RORA: variants seen among roughly 807,000 people sequenced by gnomAD.
RORA encodes the protein nuclear receptor ROR-alpha.
RORA carries 7 observed loss-of-function variants against 69.5 expected under a neutral mutation model. The observed-to-expected ratio is 0.10, with a 90% CI of 0.06 to 0.19. The LOEUF is 0.19. RORA is among the 10% of genes least tolerant of loss of function. The pLI is 1.00. For missense variants in RORA, 457 were observed against 663.0 expected, an observed-to-expected ratio of 0.69 and a Z score of 3.41; for synonymous variants, 261 against 240.8, an observed-to-expected ratio of 1.08 and a Z score of -0.78.
chr15:60,672,527 G>T (rs1325577644), intron 2 of RORA, among the ~76,000 whole-genome samples: 1 of 152,192 alleles, frequency 6.6e-6, no homozygotes, highest in Non-Finnish European at 1.5e-5. Context: ...CTAGCACTCA[G>T]TGCCCCACAA....
intron 1 of RORA, among the ~76,000 whole-genome samples, chr15:60,734,837 G>T (rs892072521): frequency 2.6e-5 from 4 of 152,170 alleles, no homozygotes; most frequent in Admixed American, 6.5e-5. Context: ...GATACTTTTG[G>T]CAATGGCTAA....
intron 1 of RORA, among the ~76,000 whole-genome samples, chr15:61,189,241 G>A (rs907666490): frequency 1.3e-5 from 2 of 152,146 alleles, no homozygotes; most frequent in Admixed American, 1.3e-4. Context: ...CATTATAAAA[G>A]ATTTAAAAAT....
rs8029330 is a variant in RORA, at chr15:61,061,222, G to A, written c.166+167831C>T. Among the ~76,000 whole-genome samples the A allele has an allele frequency of 0.35, 52,738 of 151,766 alleles. 9,365 individuals are homozygous for A. The highest frequency in any genetic ancestry group is 0.38 in the Non-Finnish European group (25,846 of 67,904). ...CAAAACATTAGCCGGGCATGGTGGCGGGCGCCTGTGGTCCCAGCTACTCGG... is the reference window on the plus strand; with the variant it reads ...CAAAACATTAGCCGGGCATGGTGGCAGGCGCCTGTGGTCCCAGCTACTCGG... On this transcript the variant is annotated intron_variant, in intron 1 of 10. Transcript: ENST00000335670. The surrounding 1 kb of genome is among the most constrained non-coding windows in gnomAD (Gnocchi z 4.4).
At chr15:60,870,010 T>C (rs1049531546) in intron 1 of RORA, among the ~76,000 whole-genome samples, 1 of 152,236 alleles carries the variant, frequency 6.6e-6, no homozygotes, top group South Asian at 2.1e-4. Flanking sequence ...CTCACTGTGG[T>C]TGACTGGGCC....
chr15:60,817,424 C>T (rs1210319113), intron 1 of RORA, among the ~76,000 whole-genome samples: 6 of 152,234 alleles, frequency 3.9e-5, no homozygotes, highest in Non-Finnish European at 7.3e-5. Context: ...AGGCTTGCAA[C>T]AAACCTTCAA....
chr15:60,889,130 T>C (rs1054027759), intron 1 of RORA, among the ~76,000 whole-genome samples: 1 of 152,194 alleles, frequency 6.6e-6, no homozygotes, highest in African/African-American at 2.4e-5. Flanking sequence ...CGCACACTTA[T>C]GCTGTGTTTA....
At chr15:60,539,264 C>T (rs2141489140) in intron 2 of RORA, among the ~76,000 whole-genome samples, 1 of 152,272 alleles carries the variant, frequency 6.6e-6, no homozygotes, top group Non-Finnish European at 1.5e-5. Context: ...TGTGAATATG[C>T]AGGTGGTTCT....
Position 61,128,134 on chromosome 15 carries a change from C to T in RORA, c.166+100919G>A, listed in dbSNP as rs1011535256. On this transcript the variant is annotated intron_variant, in intron 1 of 10. Coordinates refer to ENST00000335670, the MANE Select transcript of RORA (RefSeq NM_134261.3). The surrounding 1 kb of genome is among the most constrained non-coding windows in gnomAD (Gnocchi z 4.5). ...TAATTTCAAGAGTCAGCTTATTTATCATTTCTACTTAAGTTGGAATGATTT... is the reference window on the plus strand; with the variant it reads ...TAATTTCAAGAGTCAGCTTATTTATTATTTCTACTTAAGTTGGAATGATTT... 1.5e-3 allele frequency among the ~76,000 whole-genome samples: 228 copies of T among 152,154 alleles called. No individual in the cohort carries two copies. Among genetic ancestry groups the T allele is most frequent in the African/African-American group, 5.2e-3 (214 of 41,488 alleles).
At chr15:61,025,746 A>T (rs1895777097) in intron 1 of RORA, among the ~76,000 whole-genome samples, 1 of 152,184 alleles carries the variant, frequency 6.6e-6, no homozygotes, top group Admixed American at 6.5e-5. Flanking sequence ...AAATTAAATG[A>T]GTGGATGAAG....
rs2065129195 is a variant in RORA at position 60,494,890 on chromosome 15, A to T, written c.*2565T>A. 6.6e-6 allele frequency: 1 copy of T among 152,226 alleles called. No homozygotes were observed. Among genetic ancestry groups the T allele is most frequent in the African/African-American group, 2.4e-5 (1 of 41,462 alleles). The allele number at this position is 152,226 out of a possible 1,614,324, so 9.4% of individuals were successfully genotyped here. A position where few individuals can be genotyped will look rare whatever the true frequency, so the allele number is the denominator to read the frequency against. On this transcript the variant is annotated 3_prime_UTR_variant, in exon 11 of 11. Coordinates refer to ENST00000335670, the MANE Select transcript of RORA (RefSeq NM_134261.3). ...GGAAAAGGAATTTCTTTTTAAGTTC[A>T]TCATTATGTTCTCTCTCACCCTTAG... is the stretch of plus-strand genomic sequence containing the variant.
intron 1 of RORA, among the ~76,000 whole-genome samples, chr15:61,005,514 T>C (rs1302568268): frequency 2.0e-5 from 3 of 152,016 alleles, no homozygotes; most frequent in Admixed American, 1.3e-4. Context: ...TTACAACAAA[T>C]ACATAACTAA....
At chr15:61,228,128 G>C (rs1324754032) in intron 1 of RORA, among the ~76,000 whole-genome samples, 1 of 151,710 alleles carries the variant, frequency 6.6e-6, no homozygotes. Flanking sequence ...CATACAACTT[G>C]CACTGACCAT....
chr15:61,033,373 A>G (rs981277891), intron 1 of RORA, among the ~76,000 whole-genome samples: 1 of 151,510 alleles, frequency 6.6e-6, no homozygotes, highest in Non-Finnish European at 1.5e-5. Flanking sequence ...ACTTGCAAGC[A>G]AAACTCAAGA....
intron 1 of RORA, among the ~76,000 whole-genome samples, chr15:60,942,832 T>A (rs1444276106): frequency 2.0e-5 from 3 of 152,182 alleles, no homozygotes; most frequent in Admixed American, 2.0e-4. Context: ...TAAGGAGAGA[T>A]AATAAGACAC....
chr15:60,723,840 G>A (rs953988887), intron 1 of RORA, among the ~76,000 whole-genome samples: 1 of 152,198 alleles, frequency 6.6e-6, no homozygotes, highest in Non-Finnish European at 1.5e-5. Flanking sequence ...TCCACAAGGA[G>A]GGTGAGAGAA....
At chr15:60,671,165 T>C (rs1596113026) in intron 2 of RORA, among the ~76,000 whole-genome samples, 1 of 150,434 alleles carries the variant, frequency 6.6e-6, no homozygotes, top group Admixed American at 6.6e-5. Flanking sequence ...AAGAAACCAC[T>C]GTGTCCGGAA....
chr15:60,832,579 T>A (rs1474067337), intron 1 of RORA, among the ~76,000 whole-genome samples: 1 of 152,200 alleles, frequency 6.6e-6, no homozygotes, highest in Admixed American at 6.5e-5. Flanking sequence ...TTTAAACTAC[T>A]AATTTTTGAG....
chr15:61,058,688 G>A (rs2078129347), intron 1 of RORA, among the ~76,000 whole-genome samples: 1 of 152,170 alleles, frequency 6.6e-6, no homozygotes, highest in Admixed American at 6.5e-5. Flanking sequence ...AGGGGATTCA[G>A]GAGACCCTCT....
At chr15:61,197,343 A>C (rs966083364) in intron 1 of RORA, among the ~76,000 whole-genome samples, 2 of 152,212 alleles carry the variant, frequency 1.3e-5, no homozygotes, top group African/African-American at 4.8e-5. Flanking sequence ...TCCCGTCTCC[A>C]GGCAAGGGCT....
Sources: allele counts gnomAD v4.1 joint callset (sites outside exome capture counted in the v4.1 genomes callset), GRCh38; gene constraint gnomAD v4.1.1; non-coding constraint Gnocchi (gnomAD v3.1); transcripts MANE v1.5; gene names NCBI Gene and HGNC (gene_info 2026-07-23, HGNC 2026-07-21).